The following COL22A1 variants were observed in gnomAD, a reference collection of about 807,000 sequenced individuals.
COL22A1 encodes the protein collagen alpha-1(XXII) chain.
In COL22A1, 221 loss-of-function variants were observed where a neutral mutation model predicts 248.9. The ratio of observed to expected loss-of-function variants is 0.89; its 90% CI spans 0.80 to 0.99. COL22A1 has a LOEUF of 0.99. Ranked by LOEUF, COL22A1 falls within the 50% of genes least tolerant of loss-of-function variation. COL22A1 has a pLI of 0.00. For missense variants in COL22A1, 2,240 were observed against 2,179.0 expected (o/e 1.03, Z -0.56); for synonymous variants, 891 against 793.4 (o/e 1.12, Z -2.07).
chr8:138,595,501 T>C (rs1423455366), intron 62 of COL22A1, among the ~76,000 whole-genome samples: 1 of 152,122 alleles, frequency 6.6e-6, no homozygotes. Context: ...ACATGAGACC[T>C]CAGAACACCA....
At chr8:138,687,407 T>C (rs755089545) in intron 37 of COL22A1, among the ~76,000 whole-genome samples, 1 of 152,186 alleles carries the variant, frequency 6.6e-6, no homozygotes, top group Non-Finnish European at 1.5e-5. Context: ...GCAAATGACA[T>C]CTCCTCGTGT....
At chr8:138,863,291 G>A (rs1275022649) in intron 3 of COL22A1, among the ~76,000 whole-genome samples, 1 of 152,138 alleles carries the variant, frequency 6.6e-6, no homozygotes, top group Non-Finnish European at 1.5e-5. Context: ...AGCATAGCAC[G>A]TTGCACAGGC....
chr8:138,626,117 A>G (rs761331225), intron 51 of COL22A1, 73 bp downstream of exon 51: 12 of 1,225,022 alleles, frequency 9.8e-6, no homozygotes, highest in African/African-American at 4.6e-5. Flanking sequence ...AGTGGAATAT[A>G]TTTTTGTTTC....
chr8:138,718,974 T>C (rs1330073324), intron 27 of COL22A1, among the ~76,000 whole-genome samples: 1 of 152,204 alleles, frequency 6.6e-6, no homozygotes, highest in Non-Finnish European at 1.5e-5. Context: ...TCGATGGGAA[T>C]GGATTGCTTC....
rs140544925 is a variant in COL22A1 at position 138,817,279 on chromosome 8, C to T, written c.1245+3857G>A. Reference sequence around the variant, plus strand: ...CCACTGTGAGCATCTGCAGTTTACACGTGTTGGGGAACTCTGGAGCCCGTC... The same window carrying T: ...CCACTGTGAGCATCTGCAGTTTACATGTGTTGGGGAACTCTGGAGCCCGTC... On this transcript the variant is annotated intron_variant, in intron 7 of 64. Coordinates refer to ENST00000303045, the MANE Select transcript of COL22A1 (RefSeq NM_152888.3). Among the ~76,000 whole-genome samples the T allele has an allele frequency of 4.8e-3, 729 of 152,284 alleles. 6 individuals are homozygous for T. Among genetic ancestry groups the T allele is most frequent in the South Asian group, 0.01 (49 of 4,830 alleles).
intron 57 of COL22A1, among the ~76,000 whole-genome samples, chr8:138,607,109 G>T (rs528409709): frequency 1.3e-5 from 2 of 152,268 alleles, no homozygotes; most frequent in East Asian, 1.9e-4. Flanking sequence ...TGCCGAGTTT[G>T]CCTGGAACCA....
Position 138,863,664 on chromosome 8 carries a change from G to T in COL22A1, c.658+14086C>A, listed in dbSNP as rs1190330750. ...GAAGTGGGTGCGGGGAGCCTGCAGG[G>T]CTCCGTGGCTGTGCTCTGCCTCCTG... On this transcript the variant is annotated intron_variant, in intron 3 of 64. Transcript: ENST00000303045. 2.0e-5 allele frequency among the ~76,000 whole-genome samples: 3 copies of T among 152,154 alleles called. No individual in the cohort carries two copies. In the East Asian group the frequency reaches 5.8e-4, roughly 29 times the overall value.
chr8:138,707,331 C>CA (rs768908554), intron 30 of COL22A1, among the ~76,000 whole-genome samples: 1 of 152,086 alleles, frequency 6.6e-6, no homozygotes, highest in Non-Finnish European at 1.5e-5. Context: ...AGAGACACAA[C>CA]AAAAAAAGAG....
intron 23 of COL22A1, among the ~76,000 whole-genome samples, chr8:138,730,614 T>G (rs1830641272): frequency 6.6e-6 from 1 of 152,220 alleles, no homozygotes; most frequent in South Asian, 2.1e-4. Flanking sequence ...AAAAATACTT[T>G]CTGTGCAGAA....
In COL22A1 at chr8:138,802,872, C is replaced by A. The variant is rs1817119770; in HGVS notation, c.1557G>T (p.Val519=). 4 of 1,613,184 alleles carry A rather than the reference C, an allele frequency of 2.5e-6. No homozygotes were observed. Among genetic ancestry groups the A allele is most frequent in the East Asian group, 4.5e-5 (2 of 44,828 alleles). Residue 519 remains valine (V), a splice_region_variant and synonymous_variant, in exon 11 of 65, where the codon GTG becomes GTT. Transcript: ENST00000303045. The part of the protein sequence containing the change: ...APGPKGEKGD[V]GIGPFGQGEK... ...TGTAGAGGAGCAGCCATCTACTCAC[C>A]ACATCACCTTTCTCTCCCTTAGGTC...
chr8:138,804,916 G>GGT (rs1817348444), intron 10 of COL22A1, among the ~76,000 whole-genome samples: 2 of 145,136 alleles, frequency 1.4e-5, no homozygotes, highest in South Asian at 4.5e-4. Context: ...TGTGTGATGG[G>GGT]GTGTGTGTGA....
intron 1 of COL22A1, among the ~76,000 whole-genome samples, chr8:138,891,682 A>T (rs907822871): frequency 6.6e-6 from 1 of 152,110 alleles, no homozygotes; most frequent in Non-Finnish European, 1.5e-5. Flanking sequence ...ATAGGTCCAT[A>T]CTCAGTCACT....
Position 138,720,797 on chromosome 8 carries a change from A to T in COL22A1, c.2302-5T>A. 6.2e-7 allele frequency: 1 copy of T among 1,612,460 alleles called. No individual in the cohort carries two copies. Among genetic ancestry groups the T allele is most frequent in the Non-Finnish European group, 8.5e-7 (1 of 1,178,568 alleles). ...CCCTCTTTCTCCTGGTTCTCCCTGG[A>T]AGGAATACAGAGCAAAGTTAACAGG... On this transcript the variant is annotated splice_region_variant and splice_polypyrimidine_tract_variant and intron_variant, in intron 26 of 64. Coordinates refer to ENST00000303045, the MANE Select transcript of COL22A1 (RefSeq NM_152888.3).
intron 16 of COL22A1, among the ~76,000 whole-genome samples, chr8:138,770,804 C>T (rs1195494469): frequency 6.6e-6 from 1 of 152,200 alleles, no homozygotes; most frequent in Admixed American, 6.5e-5. Context: ...ACCAGCACAT[C>T]AGCAAGGGAG....
intron 47 of COL22A1, among the ~76,000 whole-genome samples, chr8:138,641,265 T>C (rs1270938725): frequency 6.6e-6 from 1 of 152,228 alleles, no homozygotes; most frequent in African/African-American, 2.4e-5. Context: ...GTATTATCTC[T>C]GCCTCCTCGG....
chr8:138,729,680 G>C (rs777441391), intron 23 of COL22A1, among the ~76,000 whole-genome samples: 1 of 152,218 alleles, frequency 6.6e-6, no homozygotes, highest in Non-Finnish European at 1.5e-5. Context: ...ACAAGTCCAA[G>C]TGGGAAACGC....
At chr8:138,872,746 T>C (rs1200701108) in intron 3 of COL22A1, among the ~76,000 whole-genome samples, 3 of 152,292 alleles carry the variant, frequency 2.0e-5, no homozygotes, top group South Asian at 2.1e-4. Context: ...CAGGGGCACT[T>C]CCCTGAATGT....
intron 8 of COL22A1, among the ~76,000 whole-genome samples, chr8:138,812,451 G>C (rs1818320291): frequency 6.6e-6 from 1 of 152,180 alleles, no homozygotes; most frequent in Non-Finnish European, 1.5e-5. Flanking sequence ...TTGGCAAAGA[G>C]GGTTGGAAAG....
Position 138,724,632 on chromosome 8 carries a change from C to T in COL22A1, c.2230G>A (p.Gly744Arg). Reference protein sequence around the residue: ...PGEIGFPGKPGPPGPTGPPGK... With the variant: ...PGEIGFPGKPRPPGPTGPPGK... ...ACACTCACCGTGGGCCCAGGAGGTCCAGGCTTTCCCGGGAAGCCGATCTCT... is the reference window on the plus strand; with the variant it reads ...ACACTCACCGTGGGCCCAGGAGGTCTAGGCTTTCCCGGGAAGCCGATCTCT... The change falls in exon 25 of 65, where the codon GGA (glycine) becomes AGA (arginine). Residue 744 changes from glycine to arginine, a missense_variant. Coordinates refer to ENST00000303045, the MANE Select transcript of COL22A1 (RefSeq NM_152888.3). 6.2e-7 allele frequency: 1 copy of T among 1,614,180 alleles called. No homozygotes were observed. Among genetic ancestry groups the T allele is most frequent in the Non-Finnish European group, 8.5e-7 (1 of 1,180,010 alleles).
Sources: allele counts gnomAD v4.1 joint callset (sites outside exome capture counted in the v4.1 genomes callset), GRCh38; gene constraint gnomAD v4.1.1; transcripts MANE v1.5; gene names NCBI Gene and HGNC (gene_info 2026-07-23, HGNC 2026-07-21).